The following GRAMD1B variants were observed in gnomAD, a reference collection of about 807,000 sequenced individuals.
GRAMD1B encodes the protein protein Aster-B.
In GRAMD1B, 37 loss-of-function variants were observed where a neutral mutation model predicts 99.7. The observed-to-expected ratio is 0.37, with a 90% confidence interval of 0.29 to 0.49. The LOEUF (loss-of-function observed/expected upper bound fraction) is 0.49. Among genes scored for constraint, GRAMD1B ranks in the 20% least tolerant of loss-of-function variants. The pLI, the probability that GRAMD1B is intolerant of heterozygous loss-of-function variation, is 0.98. For synonymous variants in GRAMD1B, 427 were observed against 387.6 expected (o/e 1.10, Z -1.19); for missense variants, 888 against 1,009.2 (o/e 0.88, Z 1.63).
intron 1 of GRAMD1B, among the ~76,000 whole-genome samples, chr11:123,395,063 A>T (rs1378430341): frequency 1.3e-5 from 2 of 152,202 alleles, no homozygotes; most frequent in Non-Finnish European, 2.9e-5. Flanking sequence ...GGGGCCAAAC[A>T]TTTGAAACAT....
chr11:123,583,375 G>A (rs928383761), intron 3 of GRAMD1B, among the ~76,000 whole-genome samples: 9 of 136,820 alleles, frequency 6.6e-5, no homozygotes, highest in Non-Finnish European at 1.4e-4. Flanking sequence ...GTGTGTGCAC[G>A]TGTGTGGTGT....
Position 123,609,729 on chromosome 11 carries a change from G to C in GRAMD1B, c.1658-66G>C. ...ACAGTCCAGAAGGTCACTTGGAGGG[G>C]AAACTTGGATTGGGGAGAGGGCTCT... On this transcript the variant is annotated intron_variant, in intron 12 of 19. Transcript: ENST00000635736. 5.2e-6 allele frequency: 5 copies of C among 967,394 alleles called. No homozygotes were observed. The South Asian group carries it at 7.2e-5, about 14-fold the overall frequency. The allele number at this position is 967,394 out of a possible 1,614,324, so 59.9% of individuals were successfully genotyped here.
intron 2 of GRAMD1B, among the ~76,000 whole-genome samples, chr11:123,532,834 C>G (rs1437025624): frequency 3.9e-5 from 6 of 152,232 alleles, no homozygotes; most frequent in Non-Finnish European, 7.3e-5. Context: ...TGATCACGTT[C>G]ATGCTACAAC....
At chr11:123,560,459 C>G (rs549102631) in intron 2 of GRAMD1B, 1 of 1,199,630 alleles carries the variant, frequency 8.3e-7, no homozygotes, top group African/African-American at 1.6e-5. Context: ...AGAAGCGCCC[C>G]CAGCTTCTGA....
At chr11:123,431,635 G>C (rs946302857) in intron 1 of GRAMD1B, among the ~76,000 whole-genome samples, 7 of 152,178 alleles carry the variant, frequency 4.6e-5, no homozygotes, top group African/African-American at 1.7e-4. Flanking sequence ...TATATTTCAG[G>C]ACTCCGTTTC....
chr11:123,432,276 C>G, intron 1 of GRAMD1B: 1 of 384,404 alleles, frequency 2.6e-6, no homozygotes, highest in Non-Finnish European at 4.6e-6. Flanking sequence ...GAAATGAACA[C>G]CTGGGCACAG....
chr11:123,440,504 G>A (rs1057186531), intron 1 of GRAMD1B, among the ~76,000 whole-genome samples: 10 of 151,712 alleles, frequency 6.6e-5, no homozygotes, highest in Non-Finnish European at 1.2e-4. Context: ...GTGAGACTCC[G>A]TCTCAAAAGA....
chr11:123,496,104 A>G (rs550513014), intron 2 of GRAMD1B, among the ~76,000 whole-genome samples: 9 of 152,292 alleles, frequency 5.9e-5, no homozygotes, highest in Middle Eastern at 3.4e-3. Flanking sequence ...TTTCTTTCAG[A>G]TTAAAGAACT....
At chr11:123,385,718 G>A (rs1206390116) in intron 1 of GRAMD1B, among the ~76,000 whole-genome samples, 1 of 152,124 alleles carries the variant, frequency 6.6e-6, no homozygotes, top group Non-Finnish European at 1.5e-5. Flanking sequence ...CTTCTTGAGG[G>A]CAGGGACCAT....
upstream of GRAMD1B, among the ~76,000 whole-genome samples, chr11:123,429,187 T>C (rs940351235): frequency 2.6e-5 from 4 of 152,134 alleles, no homozygotes. This position sits in a 1 kb window ranked among gnomAD's most constrained non-coding sequence, Gnocchi z 4.0. Context: ...AGTGAGACTT[T>C]GTCTCTTAAA....
At chr11:123,484,101 A>G (rs1054123782) in intron 2 of GRAMD1B, among the ~76,000 whole-genome samples, 21 of 152,210 alleles carry the variant, frequency 1.4e-4, no homozygotes, top group African/African-American at 5.1e-4. Flanking sequence ...TCTCAAAATT[A>G]GAAGAGGCCA....
intron 1 of GRAMD1B, among the ~76,000 whole-genome samples, chr11:123,364,399 C>T (rs1023455887): frequency 2.6e-5 from 4 of 152,176 alleles, no homozygotes; most frequent in Non-Finnish European, 2.9e-5. Context: ...TCGGCATGAG[C>T]CATCTGAGTG....
intron 1 of GRAMD1B, among the ~76,000 whole-genome samples, chr11:123,412,355 C>CACTG (rs1423844228): frequency 6.6e-6 from 1 of 152,216 alleles, no homozygotes; most frequent in Non-Finnish European, 1.5e-5. Context: ...ATGTGCAAGG[C>CACTG]ACTGTACTTG....
chr11:123,371,472 T>A (rs1229340350), intron 1 of GRAMD1B, among the ~76,000 whole-genome samples: 1 of 152,218 alleles, frequency 6.6e-6, no homozygotes, highest in Non-Finnish European at 1.5e-5. Flanking sequence ...TCACAATGCC[T>A]TACAATAAAT....
intron 2 of GRAMD1B, among the ~76,000 whole-genome samples, chr11:123,494,801 C>T (rs76640333): frequency 1.1e-3 from 165 of 152,214 alleles, no homozygotes; most frequent in African/African-American, 3.9e-3. Flanking sequence ...CCAGCCTCAG[C>T]GAAGAAGGAA....
intron 1 of GRAMD1B, among the ~76,000 whole-genome samples, chr11:123,468,930 T>C (rs1950847735): frequency 1.3e-5 from 2 of 151,880 alleles, no homozygotes; most frequent in South Asian, 4.2e-4. Context: ...TCTCCAAGTA[T>C]GTGTGGGTGT....
At chr11:123,559,867 C>G (rs1946522130) in intron 2 of GRAMD1B, among the ~76,000 whole-genome samples, 1 of 152,162 alleles carries the variant, frequency 6.6e-6, no homozygotes, top group Non-Finnish European at 1.5e-5. Flanking sequence ...GGCCTCGGGC[C>G]GTGAGAGAGC....
intron 1 of GRAMD1B, among the ~76,000 whole-genome samples, chr11:123,433,143 G>A (rs1948981563): frequency 6.6e-6 from 1 of 151,348 alleles, no homozygotes; most frequent in African/African-American, 2.5e-5. Context: ...CACCTGAGGT[G>A]AGGCGGGAGG....
At chr11:123,509,211 TG>T (rs1280149639) in intron 2 of GRAMD1B, among the ~76,000 whole-genome samples, 1 of 152,220 alleles carries the variant, frequency 6.6e-6, no homozygotes, top group Non-Finnish European at 1.5e-5. Context: ...GCTTTTTATC[TG>T]GGCCTTAGTT....
Sources: gnomAD v4.1 joint callset for allele counts (sites outside exome capture counted in the v4.1 genomes callset) on GRCh38, gnomAD v4.1.1 for gene constraint, Gnocchi (gnomAD v3.1) non-coding constraint, MANE v1.5 for transcripts, NCBI Gene and HGNC (gene_info 2026-07-23, HGNC 2026-07-21) for gene names.